Variants in AKAP7 observed in about 807,000 individuals in gnomAD.
AKAP7 encodes A kinase (PRKA) anchor protein 7.
AKAP7 carries 39 observed loss-of-function variants against 39.5 expected under a neutral mutation model. The observed-to-expected ratio is 0.99, with a 90% confidence interval of 0.76 to 1.29. The LOEUF is 1.29. Among genes scored for constraint, AKAP7 ranks in the 50% most tolerant of loss-of-function variants. The probability of loss-of-function intolerance (pLI) is 0.00; values close to 1 mark genes in which losing one functional copy is unlikely to be tolerated. For synonymous variants in AKAP7, 140 were observed against 139.1 expected (o/e 1.01, Z -0.05); for missense variants, 414 against 407.7 (o/e 1.02, Z -0.13).
intron 5 of AKAP7, among the ~76,000 whole-genome samples, chr6:131,172,820 C>T (rs1804201777): frequency 6.6e-6 from 1 of 152,148 alleles, no homozygotes; most frequent in East Asian, 1.9e-4. Context: ...TTCTAAGAAA[C>T]AGGTTTATGG....
Position 131,135,728 on chromosome 6 carries a change from G to A in AKAP7, c.-36G>A. ...GACGCGGCCCGCCACCGCCGCTGCCGCCAGCCCAGACGCGCCGCCCGCATG... is the reference window on the plus strand; with the variant it reads ...GACGCGGCCCGCCACCGCCGCTGCCACCAGCCCAGACGCGCCGCCCGCATG... On this transcript the variant is annotated 5_prime_UTR_variant, in exon 1 of 8. Transcript: ENST00000431975. 8.3e-7 allele frequency: 1 copy of A among 1,211,776 alleles called. No individual in the cohort carries two copies. Among genetic ancestry groups the A allele is most frequent in the South Asian group, 4.0e-5 (1 of 24,874 alleles). The allele number at this position is 1,211,776 out of a possible 1,614,324, so 75.1% of individuals were successfully genotyped here.
At chr6:131,260,662 C>G (rs1704283894) in intron 7 of AKAP7, among the ~76,000 whole-genome samples, 1 of 151,876 alleles carries the variant, frequency 6.6e-6, no homozygotes. Context: ...TTGTTTTTTT[C>G]TTGTAAATTT....
At chr6:131,190,943 CTT>C (rs1386137686) in intron 5 of AKAP7, among the ~76,000 whole-genome samples, 1 of 152,174 alleles carries the variant, frequency 6.6e-6, no homozygotes, top group Non-Finnish European at 1.5e-5. Context: ...TTTAGAGTCT[CTT>C]TTGTGCAGCC....
chr6:131,162,933 T>C (rs775649335), intron 3 of AKAP7, among the ~76,000 whole-genome samples: 3 of 152,216 alleles, frequency 2.0e-5, no homozygotes, highest in African/African-American at 4.8e-5. Flanking sequence ...ACAAGGTTTT[T>C]AGTGCATGCC....
chr6:131,253,941 G>T (rs1402031979), intron 7 of AKAP7, among the ~76,000 whole-genome samples: 1 of 152,116 alleles, frequency 6.6e-6, no homozygotes, highest in Non-Finnish European at 1.5e-5. Flanking sequence ...AAACATCGGG[G>T]TGCAGGTATT....
At chr6:131,130,845 C>A (rs907462160), upstream of AKAP7, among the ~76,000 whole-genome samples, 3 of 151,836 alleles carry the variant, frequency 2.0e-5, no homozygotes, top group Admixed American at 6.6e-5. Flanking sequence ...AAAGGACTGG[C>A]GTCTTGGCAT....
At chr6:131,266,012 A>G (rs1303690269) in intron 7 of AKAP7, among the ~76,000 whole-genome samples, 1 of 152,242 alleles carries the variant, frequency 6.6e-6, no homozygotes, top group African/African-American at 2.4e-5. Flanking sequence ...TGAGCAGGAC[A>G]CTAGATCTTG....
intron 6 of AKAP7, chr6:131,199,848 A>G (rs1585072236): frequency 5.1e-6 from 2 of 393,208 alleles, no homozygotes; most frequent in East Asian, 1.2e-4. Context: ...TCATCCCCTG[A>G]AGAGCCTCGA....
intron 7 of AKAP7, among the ~76,000 whole-genome samples, chr6:131,279,710 C>T (rs1562262540): frequency 6.6e-6 from 1 of 152,192 alleles, no homozygotes; most frequent in Non-Finnish European, 1.5e-5. Context: ...AAATTCAACC[C>T]TGTCATCTTG....
chr6:131,239,897 T>G (rs545682333), intron 7 of AKAP7, among the ~76,000 whole-genome samples: 1 of 152,318 alleles, frequency 6.6e-6, no homozygotes, highest in African/African-American at 2.4e-5. Context: ...GAAGCCTTCT[T>G]CTCTCAACTT....
chr6:131,181,531 T>A (rs1484063158), intron 5 of AKAP7, among the ~76,000 whole-genome samples: 1 of 152,208 alleles, frequency 6.6e-6, no homozygotes, highest in Non-Finnish European at 1.5e-5. Flanking sequence ...AGCACAAAAC[T>A]AAGCATTTTT....
chr6:131,225,868 A>C (rs1347540864), intron 7 of AKAP7, among the ~76,000 whole-genome samples: 3 of 152,198 alleles, frequency 2.0e-5, no homozygotes, highest in African/African-American at 4.8e-5. Context: ...TTTACACCCC[A>C]TCACATCTTT....
chr6:131,148,995 CA>C (rs1181993693), intron 2 of AKAP7, among the ~76,000 whole-genome samples: 1 of 152,178 alleles, frequency 6.6e-6, no homozygotes, highest in African/African-American at 2.4e-5. Flanking sequence ...TGCTAATAGA[CA>C]CCCTGGCAGA....
intron 7 of AKAP7, among the ~76,000 whole-genome samples, chr6:131,254,532 T>C (rs1812694932): frequency 6.6e-6 from 1 of 152,256 alleles, no homozygotes; most frequent in African/African-American, 2.4e-5. Flanking sequence ...TCTCTTTTGC[T>C]GTTGCTGATT....
chr6:131,227,631 A>T (rs2040003646), intron 7 of AKAP7, among the ~76,000 whole-genome samples: 1 of 152,198 alleles, frequency 6.6e-6, no homozygotes, highest in African/African-American at 2.4e-5. Context: ...GCATAAACTA[A>T]ACAGAAGAAG....
intron 7 of AKAP7, among the ~76,000 whole-genome samples, chr6:131,238,198 C>G (rs1811238176): frequency 6.6e-6 from 1 of 152,096 alleles, no homozygotes; most frequent in Non-Finnish European, 1.5e-5. Flanking sequence ...TGTTCAGTTT[C>G]CATGTGGTTG....
intron 6 of AKAP7, among the ~76,000 whole-genome samples, chr6:131,200,247 C>G (rs1585073215): frequency 6.6e-6 from 1 of 152,158 alleles, no homozygotes; most frequent in Non-Finnish European, 1.5e-5. Flanking sequence ...GAAGTCGGAG[C>G]AACTTTTGAC....
chr6:131,275,406 G>A (rs1814667051), intron 7 of AKAP7, among the ~76,000 whole-genome samples: 1 of 152,158 alleles, frequency 6.6e-6, no homozygotes, highest in African/African-American at 2.4e-5. Flanking sequence ...TGTATGTTTT[G>A]CTTTTCTCTC....
intron 6 of AKAP7, among the ~76,000 whole-genome samples, chr6:131,201,867 T>C (rs1252461480): frequency 6.6e-6 from 1 of 152,156 alleles, no homozygotes; most frequent in Non-Finnish European, 1.5e-5. Context: ...CCCCATTGCT[T>C]GTTTTTCTCA....
Sources: gnomAD v4.1 joint callset for allele counts (sites outside exome capture counted in the v4.1 genomes callset) on GRCh38, gnomAD v4.1.1 for gene constraint, MANE v1.5 for transcripts, NCBI Gene and HGNC (gene_info 2026-07-23, HGNC 2026-07-21) for gene names.